The following MYO1C variants were observed in gnomAD, a reference collection of about 807,000 sequenced individuals.
The protein encoded by MYO1C is myosin IC.
MYO1C carries 104 observed loss-of-function variants against 150.8 expected under a neutral mutation model. That is an observed-to-expected ratio of 0.69 (90% CI 0.59 to 0.81). The LOEUF is 0.81. Ranked by LOEUF, MYO1C falls within the 30% of genes least tolerant of loss-of-function variation. The pLI, the probability that MYO1C is intolerant of heterozygous loss-of-function variation, is 0.00. For synonymous variants in MYO1C, 663 were observed against 579.9 expected, an observed-to-expected ratio of 1.14 and a Z score of -2.06; for missense variants, 1,504 against 1,435.0, an observed-to-expected ratio of 1.05 and a Z score of -0.78.
intron 1 of MYO1C, chr17:1,484,700 CTCTGT>C (rs201509166): frequency 0.014 from 5,573 of 386,684 alleles, 58 homozygotes; most frequent in East Asian, 0.021. Context: ...AGAAAGACTG[CTCTGT>C]TGAGCTTGGA....
At chr17:1,471,474 C>T in intron 19 of MYO1C, 138 bp from the exon 20 acceptor site, 1 of 732,852 alleles carries the variant, frequency 1.4e-6, no homozygotes, top group Non-Finnish European at 2.4e-6. Context: ...GGTCACTGCC[C>T]CCATTTTAAA....
intron 5 of MYO1C, 52 bp from the exon 6 acceptor site, chr17:1,480,937 C>T (rs1323797843): frequency 1.3e-6 from 2 of 1,590,572 alleles, no homozygotes; most frequent in East Asian, 4.5e-5. Context: ...GGAAAAGAGC[C>T]CACCTGCCCC....
intron 1 of MYO1C, chr17:1,491,489 C>T (rs2074733050): frequency 2.9e-6 from 1 of 347,280 alleles, no homozygotes; most frequent in Non-Finnish European, 4.0e-6. Context: ...TTCTTCGGCC[C>T]CAGCGATCCC....
chr17:1,485,222 T>C, intron 1 of MYO1C: 3 of 1,173,048 alleles, frequency 2.6e-6, no homozygotes, highest in South Asian at 1.6e-5. Context: ...TGGATCCCTC[T>C]TCAAACAGGG....
At chr17:1,469,192 C>A in intron 25 of MYO1C, 1 of 381,420 alleles carries the variant, frequency 2.6e-6, no homozygotes, top group Non-Finnish European at 5.1e-6. Flanking sequence ...ATACGGTAGG[C>A]GGGGTAAATA....
intron 19 of MYO1C, 37 bp downstream of exon 19, chr17:1,471,870 C>T (rs1158759299): frequency 1.2e-6 from 2 of 1,600,062 alleles, no homozygotes; most frequent in East Asian, 2.2e-5. Context: ...TACCCTCCCG[C>T]TCCCCTTCCC....
chr17:1,484,511 G>A, intron 1 of MYO1C: 1 of 639,074 alleles, frequency 1.6e-6, no homozygotes, highest in Non-Finnish European at 2.8e-6. Context: ...GGAGGGCCCG[G>A]GTCCCAGTGT....
intron 17 of MYO1C, 144 bp from the exon 18 acceptor site, chr17:1,472,372 C>T (rs1435757307): frequency 4.3e-6 from 3 of 705,860 alleles, no homozygotes; most frequent in Non-Finnish European, 7.2e-6. Context: ...CCACAGCTTC[C>T]TCGCAGCAGA....
intron 24 of MYO1C, among the ~76,000 whole-genome samples, 192 bp from the exon 25 acceptor site, chr17:1,469,806 G>C (rs767853723): frequency 1.3e-5 from 2 of 150,962 alleles, no homozygotes; most frequent in Non-Finnish European, 2.9e-5. Context: ...AGGCCAAGGT[G>C]GGTGGATCAC....
chr17:1,483,645 G>A lies in MYO1C; in HGVS notation c.312C>T (p.Tyr104=). The A allele has an allele frequency of 6.2e-7, 1 of 1,612,850 alleles. No homozygotes were observed. The highest frequency in any genetic ancestry group is 8.5e-7 in the Non-Finnish European group (1 of 1,179,614). The change falls in exon 3 of 32, where the codon TAC becomes TAT. Residue 104 remains tyrosine, a synonymous_variant. Transcript: ENST00000648651. ...GCACTTCATAGAAGCTGACGCCACG[G>A]TAACGCTCCATATGCTGCCGGCTGT... is the stretch of plus-strand genomic sequence containing the variant. ...QIYSRQHMER[Y]RGVSFYEVPP...
Position 1,478,842 on chromosome 17 carries a change from G to T in MYO1C, c.1093-107C>A. ...AAGCCGCCACCACTCTGCACTCCCA[G>T]CTCCAGCAAGCCTGCAGTATGGGGA... On this transcript the variant is annotated intron_variant, in intron 9 of 31. Coordinates refer to ENST00000648651, the MANE Select transcript of MYO1C (RefSeq NM_001080779.2). The surrounding 1 kb of genome is among the most constrained non-coding windows in gnomAD (Gnocchi z 6.3). 6.5e-7 allele frequency: 1 copy of T among 1,544,410 alleles called. No individual in the cohort carries two copies.
Position 1,474,944 on chromosome 17 carries a change from C to CGCTGTA in MYO1C, c.1657_1662dup (p.Tyr553_Ser554dup), listed in dbSNP as rs2074375068. ...ACAGCCCCAGGATCCTCACCGGTCA[C>CGCTGTA]GCTGTAGGTCACCTCCCCCGCATAG... On this transcript the variant is annotated inframe_insertion, in exon 15 of 32. Transcript: ENST00000648651. 2 of 1,594,992 alleles carry CGCTGTA rather than the reference C, an allele frequency of 1.3e-6. No homozygotes were observed. Among genetic ancestry groups the CGCTGTA allele is most frequent in the East Asian group, 4.6e-5 (2 of 43,930 alleles).
At chr17:1,487,113 G>A (rs760479391) in intron 1 of MYO1C, 2 of 152,356 alleles carry the variant, frequency 1.3e-5, no homozygotes, top group African/African-American at 4.8e-5. Flanking sequence ...AAGGGCCGTT[G>A]GGTGGCCTGA....
chr17:1,470,978 G>A lies in MYO1C; in HGVS notation c.2212+93C>T, dbSNP rs967817576. On this transcript the variant is annotated intron_variant, in intron 21 of 31. Transcript: ENST00000648651. The stretch of plus-strand genomic sequence containing the variant: ...GCGTGGGGCTGGAGCTGATAGGGAG[G>A]GGTGGACTCCCTGGAGAAGGAGCCC... 85 of 1,349,546 alleles carry A rather than the reference G, an allele frequency of 6.3e-5. 2 individuals carry two copies. The Admixed American group carries it at 1.3e-3, about 20-fold the overall frequency. The allele number at this position is 1,349,546 out of a possible 1,614,324, so 83.6% of individuals were successfully genotyped here.
At chr17:1,469,643 T>C (rs907885329) in intron 24 of MYO1C, 29 bp from the exon 25 acceptor site, 1 of 1,548,544 alleles carries the variant, frequency 6.5e-7, no homozygotes, top group African/African-American at 1.4e-5. Context: ...TCAGAGGTCC[T>C]GGACACCCTG....
chr17:1,469,372 AG>A, intron 25 of MYO1C, 158 bp downstream of exon 25: 1 of 589,788 alleles, frequency 1.7e-6, no homozygotes, highest in Non-Finnish European at 3.0e-6. Flanking sequence ...GGGTAAATAG[AG>A]TAGACCAGGG....
chr17:1,480,894 A>G lies in MYO1C; in HGVS notation c.628-9T>C. ...CCACCCACGGGGGCACCCTGTGGGC[A>G]GGGCAGGGCATGAGGCCGGGTCACG... On this transcript the variant is annotated splice_polypyrimidine_tract_variant and intron_variant, in intron 5 of 31. Coordinates refer to ENST00000648651, the MANE Select transcript of MYO1C (RefSeq NM_001080779.2). 6.2e-7 allele frequency: 1 copy of G among 1,613,498 alleles called. No individual in the cohort carries two copies. The highest frequency in any genetic ancestry group is 8.5e-7 in the Non-Finnish European group (1 of 1,179,882).
intron 1 of MYO1C, among the ~76,000 whole-genome samples, chr17:1,486,640 C>T (rs1393887602): frequency 6.6e-6 from 1 of 152,156 alleles, no homozygotes; most frequent in African/African-American, 2.4e-5. Flanking sequence ...CTCAGCCTCC[C>T]GAGTAGCTGG....
intron 3 of MYO1C, 37 bp downstream of exon 3, chr17:1,483,573 C>T (rs572895489): frequency 6.0e-6 from 9 of 1,500,762 alleles, no homozygotes; most frequent in Non-Finnish European, 8.2e-6. Flanking sequence ...CAGATGGAGA[C>T]AGAGGGGTCG....
Sources: gnomAD v4.1 joint callset for allele counts (sites outside exome capture counted in the v4.1 genomes callset) on GRCh38, gnomAD v4.1.1 for gene constraint, Gnocchi (gnomAD v3.1) non-coding constraint, MANE v1.5 for transcripts, NCBI Gene and HGNC (gene_info 2026-07-23, HGNC 2026-07-21) for gene names.